ADAM2: variants seen among roughly 807,000 people sequenced by gnomAD.
ADAM2 encodes the protein disintegrin and metalloproteinase domain-containing protein 2.
ADAM2 carries 101 observed loss-of-function variants against 99.3 expected under a neutral mutation model. The observed-to-expected ratio is 1.02, with a 90% CI of 0.87 to 1.20. The LOEUF is 1.20. ADAM2 is among the 50% of genes most tolerant of loss of function. ADAM2 has a pLI of 0.00. For synonymous variants in ADAM2, 323 were observed against 287.6 expected (o/e 1.12, Z -1.25); for missense variants, 948 against 878.7 (o/e 1.08, Z -1.00).
chr8:39,794,578 C>A (rs2129585889), intron 7 of ADAM2, among the ~76,000 whole-genome samples: 1 of 152,228 alleles, frequency 6.6e-6, no homozygotes, highest in African/African-American at 2.4e-5. Context: ...AAGATCGACC[C>A]CTGACCTAAC....
Position 39,780,513 on chromosome 8 carries a change from T to C in ADAM2, c.892-3352A>G, listed in dbSNP as rs934200057. On this transcript the variant is annotated intron_variant, in intron 10 of 20. Transcript: ENST00000265708. ...TTTGCATTTCTACCAGACAAAAATC[T>C]GCACATTAACCTCTGCCACCCAATA... Among the ~76,000 whole-genome samples the C allele has an allele frequency of 3.4e-4, 52 of 152,180 alleles. 1 individual carries two copies. The highest frequency in any genetic ancestry group is 3.3e-3 in the Admixed American group (51 of 15,262).
intron 10 of ADAM2, among the ~76,000 whole-genome samples, chr8:39,782,726 A>G (rs904610987): frequency 6.6e-6 from 1 of 152,074 alleles, no homozygotes; most frequent in Admixed American, 6.5e-5. Flanking sequence ...CCTTTATTCA[A>G]CTAATATTTG....
At chr8:39,777,307 AAAT>A in intron 10 of ADAM2, 146 bp from the exon 11 acceptor site, 1 of 521,696 alleles carries the variant, frequency 1.9e-6, no homozygotes, top group Non-Finnish European at 3.3e-6. Flanking sequence ...AACTCATTAT[AAAT>A]GTAAGAAAAT....
Position 39,744,889 on chromosome 8 carries a change from G to T in ADAM2, c.2179C>A (p.Pro727Thr), listed in dbSNP as rs1206266193. Residue 727 changes from proline to threonine, a missense_variant, in exon 20 of 21, where the codon CCT (proline) becomes ACT (threonine). Coordinates refer to ENST00000265708, the MANE Select transcript of ADAM2 (RefSeq NM_001464.5). ...RTEDYSSDEQ[P>T]ESESEPKG is the part of the protein sequence containing the mutation. ...CCTTTAGGTTCACTCTCACTTTCAG[G>T]TTGCCTGCATATTAAAAATAAAAAT... The T allele has an allele frequency of 1.2e-6, 2 of 1,600,394 alleles. No homozygotes were observed. The highest frequency in any genetic ancestry group is 2.2e-5 in the South Asian group (2 of 89,006).
chr8:39,753,994 T>C (rs184975918), intron 16 of ADAM2, among the ~76,000 whole-genome samples: 117 of 152,342 alleles, frequency 7.7e-4, no homozygotes, highest in Admixed American at 1.6e-3. Flanking sequence ...TCAACCTGAA[T>C]ATAAAGCTTA....
intron 7 of ADAM2, among the ~76,000 whole-genome samples, chr8:39,799,041 C>T (rs1021262009): frequency 2.6e-5 from 4 of 152,026 alleles, no homozygotes; most frequent in African/African-American, 9.7e-5. Context: ...CTCTCTCCTT[C>T]AATTCTTCTC....
intron 10 of ADAM2, among the ~76,000 whole-genome samples, chr8:39,777,449 T>C (rs933100298): frequency 6.6e-6 from 1 of 152,100 alleles, no homozygotes. Context: ...GTCATATTTA[T>C]ATTCACAAAA....
At chr8:39,823,119 A>G (rs574109358) in intron 4 of ADAM2, among the ~76,000 whole-genome samples, 1 of 152,090 alleles carries the variant, frequency 6.6e-6, no homozygotes, top group East Asian at 1.9e-4. Context: ...GCATCCTGGT[A>G]ATTTTACCTT....
At chr8:39,819,701 C>A (rs543529735) in intron 6 of ADAM2, among the ~76,000 whole-genome samples, 1 of 152,242 alleles carries the variant, frequency 6.6e-6, no homozygotes, top group East Asian at 1.9e-4. Context: ...AACTGCAAAT[C>A]TTCCTTGGAT....
intron 6 of ADAM2, among the ~76,000 whole-genome samples, chr8:39,811,118 C>T (rs1342562415): frequency 6.6e-6 from 1 of 152,132 alleles, no homozygotes; most frequent in African/African-American, 2.4e-5. Context: ...CACCACCAAT[C>T]CCACAGAAAT....
chr8:39,788,027 G>T (rs908736060), intron 9 of ADAM2, 58 bp downstream of exon 9: 15 of 1,153,636 alleles, frequency 1.3e-5, no homozygotes, highest in South Asian at 2.7e-5. Flanking sequence ...TAAGATATTC[G>T]GTCAAATTGC....
intron 7 of ADAM2, among the ~76,000 whole-genome samples, chr8:39,809,062 T>C (rs1804581265): frequency 6.6e-6 from 1 of 152,156 alleles, no homozygotes. Flanking sequence ...AAAAAAAATG[T>C]ACAGATGGGA....
chr8:39,786,823 G>C (rs576970315), intron 10 of ADAM2, 151 bp downstream of exon 10: 2 of 537,184 alleles, frequency 3.7e-6, no homozygotes, highest in Admixed American at 8.2e-5. Flanking sequence ...AATTGAATGA[G>C]TACTTCTTAT....
intron 7 of ADAM2, among the ~76,000 whole-genome samples, chr8:39,803,978 G>A (rs990927408): frequency 2.0e-5 from 3 of 152,222 alleles, no homozygotes; most frequent in African/African-American, 7.2e-5. Context: ...GTGTGAATGT[G>A]CACGTTTGGA....
chr8:39,754,441 G>C (rs1193234003), intron 16 of ADAM2, among the ~76,000 whole-genome samples: 1 of 152,124 alleles, frequency 6.6e-6, no homozygotes, highest in Non-Finnish European at 1.5e-5. Flanking sequence ...CCCATTTCCT[G>C]TGCAATTCCT....
At chr8:39,772,424 G>C (rs532283356) in intron 11 of ADAM2, among the ~76,000 whole-genome samples, 2 of 152,046 alleles carry the variant, frequency 1.3e-5, no homozygotes, top group Admixed American at 6.5e-5. Flanking sequence ...TATCCAATTG[G>C]TCACTTTAAA....
At position 39,761,246 on chromosome 8, in the gene ADAM2, G is replaced by A; in HGVS notation, c.1543C>T (p.Leu515Phe). The A allele has an allele frequency of 6.2e-7, 1 of 1,603,944 alleles. No individual in the cohort carries two copies. The highest frequency in any genetic ancestry group is 8.5e-7 in the Non-Finnish European group (1 of 1,174,380). ...EFGPSECYSH[L>F]NSKTDVSGNC... ...CCAGATACATCAGTCTTTGAATTAA[G>A]GTGAGAATAACATTCTGAAGGGCCA... The change falls in exon 15 of 21, where the codon CTT (leucine) becomes TTT (phenylalanine). Residue 515 changes from leucine to phenylalanine, a missense_variant. By Grantham distance (22) the Leu-to-Phe change is conservative. Coordinates refer to ENST00000265708, the MANE Select transcript of ADAM2 (RefSeq NM_001464.5).
intron 1 of ADAM2, 115 bp downstream of exon 1, chr8:39,838,016 T>G (rs7844819): frequency 0.2 from 234,519 of 1,156,238 alleles, 24,470 homozygotes; most frequent in Admixed American, 0.23. Context: ...TTGGAATTGC[T>G]GAGTTGGAAA....
At chr8:39,801,459 G>A (rs192922879) in intron 7 of ADAM2, among the ~76,000 whole-genome samples, 2 of 152,238 alleles carry the variant, frequency 1.3e-5, no homozygotes, top group African/African-American at 4.8e-5. Context: ...CTCTATAGGG[G>A]GTCTGACAAC....
Sources: gnomAD v4.1 joint callset for allele counts (sites outside exome capture counted in the v4.1 genomes callset) on GRCh38, gnomAD v4.1.1 for gene constraint, MANE v1.5 for transcripts, NCBI Gene and HGNC (gene_info 2026-07-23, HGNC 2026-07-21) for gene names.